The following ZFHX3 variants were observed in gnomAD, a reference collection of about 807,000 sequenced individuals.
The protein encoded by ZFHX3 is zinc finger homeobox protein 3.
Under a neutral mutation model 279.1 loss-of-function variants are expected in ZFHX3, and 42 were observed. That is an observed-to-expected ratio of 0.15 (90% CI 0.12 to 0.19). The LOEUF (loss-of-function observed/expected upper bound fraction) is 0.19, where lower values mean the gene tolerates loss of function less well. Among genes scored for constraint, ZFHX3 ranks in the 10% least tolerant of loss-of-function variants. The pLI is 1.00. For missense variants in ZFHX3, 4,981 were observed against 4,754.0 expected, an observed-to-expected ratio of 1.05 and a Z score of -1.40; for synonymous variants, 2,293 against 1,957.8, an observed-to-expected ratio of 1.17 and a Z score of -4.52.
At chr16:73,630,748 C>T (rs1332820402) in intron 2 of ZFHX3, among the ~76,000 whole-genome samples, 3 of 152,156 alleles carry the variant, frequency 2.0e-5, no homozygotes, top group African/African-American at 7.2e-5. Flanking sequence ...AAGAAAAGTC[C>T]AGGTTAAGGG....
In ZFHX3 at chr16:73,868,396, T is replaced by G. The variant is rs770806921; in HGVS notation, c.-1608+23255A>C. 4.6e-5 allele frequency among the ~76,000 whole-genome samples: 7 copies of G among 152,190 alleles called. No homozygotes were observed. In the East Asian group the frequency reaches 1.4e-3, roughly 29 times the overall value. Reference sequence around the variant, plus strand: ...AAAATTAGCCGGGCCTGGTGGCATGTGCCTGTAATCCCAGCTACTCGGGAG... The same window carrying G: ...AAAATTAGCCGGGCCTGGTGGCATGGGCCTGTAATCCCAGCTACTCGGGAG... On this transcript the variant is annotated intron_variant, in intron 1 of 17. Coordinates refer to the ZFHX3 transcript ENST00000641206.
chr16:72,924,155 G>A (rs1306831550), intron 3 of ZFHX3, among the ~76,000 whole-genome samples: 1 of 152,124 alleles, frequency 6.6e-6, no homozygotes, highest in Non-Finnish European at 1.5e-5. Flanking sequence ...CAATAGGTTA[G>A]ACCTCTTTGA....
At chr16:73,868,308 G>A (rs1962080329) in intron 1 of ZFHX3, among the ~76,000 whole-genome samples, 1 of 152,182 alleles carries the variant, frequency 6.6e-6, no homozygotes, top group South Asian at 2.1e-4. Flanking sequence ...GATCACCTGA[G>A]GTCAGGAGTT....
intron 1 of ZFHX3, among the ~76,000 whole-genome samples, chr16:73,814,975 T>A (rs1221452040): frequency 6.6e-6 from 1 of 152,164 alleles, no homozygotes; most frequent in African/African-American, 2.4e-5. Flanking sequence ...CTCAAGAGAT[T>A]TTTTTAATCA....
chr16:72,987,045 G>A (rs923577112), intron 1 of ZFHX3, among the ~76,000 whole-genome samples: 7 of 152,124 alleles, frequency 4.6e-5, no homozygotes, highest in Admixed American at 1.3e-4. Flanking sequence ...CCAGTTACTC[G>A]GGAGACTGAG....
In ZFHX3 at chr16:72,848,883, C is replaced by T. The variant is rs570160608; in HGVS notation, c.3449-19024G>A. 1.7e-4 allele frequency among the ~76,000 whole-genome samples: 25 copies of T among 150,866 alleles called. No homozygotes were observed. In the South Asian group the frequency reaches 1.7e-3, roughly 10 times the overall value. ...GGCATGCTGCCACGGCTGGAGCTGG[C>T]GAGCTGCACGGTCCCCAGAAATCTC... On this transcript the variant is annotated intron_variant, in intron 4 of 9. Coordinates refer to ENST00000268489, the MANE Select transcript of ZFHX3 (RefSeq NM_006885.4).
chr16:73,047,036 G>C (rs1176211763), intron 1 of ZFHX3, among the ~76,000 whole-genome samples: 2 of 152,168 alleles, frequency 1.3e-5, no homozygotes, highest in Non-Finnish European at 2.9e-5. Context: ...TGCCCTCCAG[G>C]CCTTTTCCTA....
chr16:73,584,039 C>T (rs1158038120), intron 2 of ZFHX3, among the ~76,000 whole-genome samples: 4 of 151,946 alleles, frequency 2.6e-5, no homozygotes, highest in African/African-American at 9.7e-5. Flanking sequence ...AAAAAACAGG[C>T]TAAAGAGCAG....
intron 1 of ZFHX3, among the ~76,000 whole-genome samples, chr16:73,053,669 C>T (rs995188591): frequency 6.6e-6 from 1 of 152,098 alleles, no homozygotes; most frequent in South Asian, 2.1e-4. Flanking sequence ...TCTTCCCCAG[C>T]GGGCAAACCC....
At chr16:73,055,690 G>GCACACACA (rs1202258646) in intron 1 of ZFHX3, among the ~76,000 whole-genome samples, 17 of 91,158 alleles carry the variant, frequency 1.9e-4, no homozygotes, top group African/African-American at 6.2e-4. Context: ...GCGCGCGCGC[G>GCACACACA]CGCGCGCGCA....
intron 4 of ZFHX3, among the ~76,000 whole-genome samples, chr16:73,289,564 T>C (rs1440724014): frequency 6.6e-6 from 1 of 151,894 alleles, no homozygotes; most frequent in African/African-American, 2.4e-5. Context: ...TGCTCTCTAA[T>C]CCACAGCTGA....
intron 8 of ZFHX3, among the ~76,000 whole-genome samples, chr16:73,075,925 C>T (rs899696391): frequency 2.8e-4 from 43 of 152,116 alleles, no homozygotes; most frequent in Admixed American, 2.5e-3. Flanking sequence ...CCACCGCACC[C>T]GGCCAGCTTT....
intron 5 of ZFHX3, among the ~76,000 whole-genome samples, chr16:72,817,056 T>C (rs190119659): frequency 1.3e-5 from 2 of 152,378 alleles, no homozygotes; most frequent in African/African-American, 4.8e-5. Context: ...TATTACGTTG[T>C]AAGCATATAG....
intron 3 of ZFHX3, among the ~76,000 whole-genome samples, chr16:73,412,562 C>T (rs1454909792): frequency 3.9e-5 from 6 of 152,212 alleles, no homozygotes; most frequent in South Asian, 2.1e-4. Context: ...TCTTCCATCC[C>T]GGCCTCATAC....
At position 73,533,098 on chromosome 16, in the gene ZFHX3, C is replaced by T. The variant is rs151082577; in HGVS notation, c.-1546-76840G>A. 8.9e-3 allele frequency among the ~76,000 whole-genome samples: 1,349 copies of T among 152,210 alleles called. 18 individuals carry two copies. Among genetic ancestry groups the T allele is most frequent in the Non-Finnish European group, 0.015 (1,000 of 68,002 alleles). ...ATCAAGGATCTCAAATGCGCTGTTA[C>T]GCTGCCAGGCCATCAGTGTGCTTAT... is the stretch of plus-strand genomic sequence containing the variant. On this transcript the variant is annotated intron_variant, in intron 2 of 17. Transcript: ENST00000641206.
At chr16:73,753,670 C>T (rs1467789182) in intron 1 of ZFHX3, among the ~76,000 whole-genome samples, 1 of 152,236 alleles carries the variant, frequency 6.6e-6, no homozygotes, top group African/African-American at 2.4e-5. Flanking sequence ...CCCTCAAATG[C>T]TTTGCTGGGC....
intron 3 of ZFHX3, among the ~76,000 whole-genome samples, chr16:73,332,287 G>T (rs897077262): frequency 6.6e-6 from 1 of 152,264 alleles, no homozygotes; most frequent in East Asian, 1.9e-4. Context: ...TTTATATAAC[G>T]AAGCTCTATA....
At chr16:73,547,280 T>C (rs1001460653) in intron 2 of ZFHX3, among the ~76,000 whole-genome samples, 7 of 151,646 alleles carry the variant, frequency 4.6e-5, no homozygotes, top group African/African-American at 7.3e-5. Context: ...TTAAATTAAA[T>C]ATAAAGGGAG....
intron 2 of ZFHX3, among the ~76,000 whole-genome samples, chr16:73,640,273 T>A (rs932071861): frequency 3.9e-5 from 6 of 152,116 alleles, no homozygotes; most frequent in Admixed American, 2.0e-4. Context: ...CACTTGGTGG[T>A]CTCCAAGTGA....
Sources: gnomAD v4.1 joint callset for allele counts (sites outside exome capture counted in the v4.1 genomes callset) on GRCh38, gnomAD v4.1.1 for gene constraint, MANE v1.5 for transcripts, NCBI Gene and HGNC (gene_info 2026-07-23, HGNC 2026-07-21) for gene names.